The following DAPK2 variants were observed in gnomAD, a reference collection of about 807,000 sequenced individuals.
DAPK2 encodes death associated protein kinase 2, also known as death-associated protein kinase 2.
Under a neutral mutation model 44.1 loss-of-function variants are expected in DAPK2, and 35 were observed. That is an observed-to-expected ratio of 0.79 (90% CI 0.61 to 1.05). DAPK2 has a LOEUF of 1.05. DAPK2 is among the 50% of genes least tolerant of loss of function. DAPK2 has a pLI of 0.00. For missense variants in DAPK2, 453 were observed against 483.2 expected, an observed-to-expected ratio of 0.94 and a Z score of 0.59; for synonymous variants, 174 against 182.6, an observed-to-expected ratio of 0.95 and a Z score of 0.38.
chr15:63,913,871 C>T (rs549174213), intron 8 of DAPK2, among the ~76,000 whole-genome samples: 4 of 152,316 alleles, frequency 2.6e-5, no homozygotes, highest in Non-Finnish European at 4.4e-5. Flanking sequence ...CATGTATGCT[C>T]CTTTATGAAG....
chr15:63,999,045 C>G (rs563798310), intron 1 of DAPK2, among the ~76,000 whole-genome samples: 1 of 152,272 alleles, frequency 6.6e-6, no homozygotes, highest in South Asian at 2.1e-4. Context: ...CTGCCAATCC[C>G]CCACAAAGTA....
chr15:64,003,337 T>A (rs1269968377), intron 1 of DAPK2, among the ~76,000 whole-genome samples: 1 of 152,214 alleles, frequency 6.6e-6, no homozygotes, highest in Non-Finnish European at 1.5e-5. Flanking sequence ...GGTGTGAAAT[T>A]AATCTGCATT....
At position 64,028,106 on chromosome 15, in the gene DAPK2, TG is replaced by T. The variant is rs1233892254; in HGVS notation, c.92+12063del. ...TGGAGTCTCACTGTGTTGCCCAGGC[TG>T]GAGTGCAGTGGCGCTATCTCAGCTC... On this transcript the variant is annotated intron_variant, in intron 1 of 10. Transcript: ENST00000261891. Among the ~76,000 whole-genome samples the T allele has an allele frequency of 1.8e-4, 28 of 152,324 alleles. No homozygotes were observed. In the East Asian group the frequency reaches 2.5e-3, roughly 14 times the overall value.
At chr15:64,033,759 T>C (rs971767313) in intron 1 of DAPK2, among the ~76,000 whole-genome samples, 42 of 151,752 alleles carry the variant, frequency 2.8e-4, no homozygotes, top group Middle Eastern at 3.4e-3. Context: ...ATATAAAAAA[T>C]TAGGTGGGTG....
chr15:63,985,918 G>C (rs1295622742), intron 1 of DAPK2, among the ~76,000 whole-genome samples: 1 of 152,206 alleles, frequency 6.6e-6, no homozygotes, highest in Non-Finnish European at 1.5e-5. Context: ...TTGCGAGACA[G>C]CTGTGGCAAT....
intron 1 of DAPK2, among the ~76,000 whole-genome samples, chr15:64,009,796 G>T (rs939797176): frequency 2.0e-5 from 3 of 152,070 alleles, no homozygotes; most frequent in Admixed American, 1.3e-4. Context: ...TAAGGGCAGG[G>T]CAATGTCTTA....
At chr15:64,038,840 G>A (rs1313624016) in intron 1 of DAPK2, among the ~76,000 whole-genome samples, 4 of 152,148 alleles carry the variant, frequency 2.6e-5, no homozygotes, top group African/African-American at 7.2e-5. Context: ...AGTCAAGCTG[G>A]GAACTGCTTA....
At chr15:63,969,203 G>A (rs2078139295) in intron 3 of DAPK2, among the ~76,000 whole-genome samples, 1 of 151,766 alleles carries the variant, frequency 6.6e-6, no homozygotes, top group East Asian at 1.9e-4. Flanking sequence ...CAGATTGCTT[G>A]AGCCTAGGAG....
chr15:63,984,127 T>G (rs774293231), intron 1 of DAPK2, among the ~76,000 whole-genome samples: 4 of 152,036 alleles, frequency 2.6e-5, no homozygotes, highest in Admixed American at 6.6e-5. Context: ...ACTGGGCTGG[T>G]GGGGATCCAG....
At chr15:63,950,428 G>C (rs1388870343) in intron 3 of DAPK2, among the ~76,000 whole-genome samples, 4 of 150,908 alleles carry the variant, frequency 2.7e-5, no homozygotes, top group Admixed American at 6.6e-5. Flanking sequence ...CTGTTACCCA[G>C]GCTGGTCTCA....
intron 3 of DAPK2, among the ~76,000 whole-genome samples, chr15:63,969,161 G>A (rs373508145): frequency 6.6e-6 from 1 of 152,212 alleles, no homozygotes; most frequent in African/African-American, 2.4e-5. Flanking sequence ...GCTCATGCCT[G>A]TAGTCCCAAC....
chr15:63,929,641 C>G, intron 5 of DAPK2, 64 bp from the exon 7 acceptor site: 1 of 1,603,094 alleles, frequency 6.2e-7, no homozygotes, highest in Non-Finnish European at 8.5e-7. Context: ...GCAAGGGACA[C>G]CCTCATGGAT....
intron 3 of DAPK2, among the ~76,000 whole-genome samples, chr15:63,950,814 C>T (rs897506414): frequency 5.9e-5 from 9 of 152,112 alleles, no homozygotes; most frequent in Non-Finnish European, 1.2e-4. Context: ...AAAAAAGTGA[C>T]AAGATCCTGT....
chr15:63,972,694 T>C (rs912880018), intron 2 of DAPK2, among the ~76,000 whole-genome samples: 2 of 152,126 alleles, frequency 1.3e-5, no homozygotes, highest in African/African-American at 4.8e-5. Context: ...GTTGGAAGAG[T>C]GTCCTGGTTC....
chr15:63,929,834 T>C (rs2079471311), intron 5 of DAPK2: 2 of 646,930 alleles, frequency 3.1e-6, no homozygotes, highest in African/African-American at 1.8e-5. Flanking sequence ...GGCTGTGTGA[T>C]TTAGGTAAGT....
At chr15:63,924,827 G>T (rs1258428061) in exon 8 of DAPK2, 2 of 1,614,052 alleles carry the variant, frequency 1.2e-6, no homozygotes, top group African/African-American at 2.7e-5. Context: ...GTGATCCAGG[G>T]GTGTCTGAGA....
At chr15:63,930,664 G>A (rs116621112) in intron 4 of DAPK2, among the ~76,000 whole-genome samples, 3,008 of 152,184 alleles carry the variant, frequency 0.02, 94 homozygotes, top group African/African-American at 0.069. Flanking sequence ...TTCATATATC[G>A]AAAGCAAATC....
intron 3 of DAPK2, among the ~76,000 whole-genome samples, chr15:63,943,736 C>T (rs1405979614): frequency 1.3e-5 from 2 of 151,930 alleles, no homozygotes; most frequent in African/African-American, 2.4e-5. Context: ...ATTAGCTGGG[C>T]GTGGTGGCAC....
rs925095869 is a variant in DAPK2 at position 64,040,010 on chromosome 15, T to C, written c.92+160A>G. Among the ~76,000 whole-genome samples, 6 of 152,242 alleles carry C rather than the reference T, an allele frequency of 3.9e-5. No individual in the cohort carries two copies. The South Asian group carries it at 8.3e-4, about 21-fold the overall frequency. On this transcript the variant is annotated intron_variant, in intron 1 of 10. Transcript: ENST00000261891. Reference sequence around the variant, plus strand: ...GTCATTATTTCCAGAGCAATGACCATGTGCAAAGTCACCCAGGCAGGTGAA... The same window carrying C: ...GTCATTATTTCCAGAGCAATGACCACGTGCAAAGTCACCCAGGCAGGTGAA...
Sources: allele counts gnomAD v4.1 joint callset (sites outside exome capture counted in the v4.1 genomes callset), GRCh38; gene constraint gnomAD v4.1.1; transcripts MANE v1.5; gene names NCBI Gene and HGNC (gene_info 2026-07-23, HGNC 2026-07-21).